Variants in USP53 observed in about 807,000 individuals in gnomAD.
The protein encoded by USP53 is ubiquitin specific peptidase 53, also known as ubiquitin carboxyl-terminal hydrolase 53.
A neutral mutation model predicts 94.9 loss-of-function variants in USP53; 71 were observed. The ratio of observed to expected loss-of-function variants is 0.75; its 90% CI spans 0.62 to 0.91. The LOEUF (loss-of-function observed/expected upper bound fraction) is 0.91, where lower values mean the gene tolerates loss of function less well. Ranked by LOEUF, USP53 falls within the 40% of genes least tolerant of loss-of-function variation. USP53 has a pLI of 0.00. For synonymous variants in USP53, 375 were observed against 422.7 expected, an observed-to-expected ratio of 0.89 and a Z score of 1.39; for missense variants, 1,173 against 1,281.0, an observed-to-expected ratio of 0.92 and a Z score of 1.29.
At chr4:119,282,991 A>AG (rs1264428927) in intron 17 of USP53, among the ~76,000 whole-genome samples, 3 of 152,008 alleles carry the variant, frequency 2.0e-5, no homozygotes, top group African/African-American at 7.2e-5. Context: ...ATTTAATGGT[A>AG]GAGGACCAAA....
rs982803428 is a variant in USP53, at chr4:119,255,383, C to CCCACCA, written c.373-860_373-859insCCACCA. Among the ~76,000 whole-genome samples, 119 of 152,300 alleles carry CCCACCA rather than the reference C, an allele frequency of 7.8e-4. 1 individual carries two copies. The highest frequency in any genetic ancestry group is 2.8e-3 in the African/African-American group (116 of 41,566). On this transcript the variant is annotated intron_variant, in intron 7 of 18. Transcript: ENST00000692078. ...CCTTGCTGAGCTGTGGTGGGCTCTG[C>CCCACCA]CCAGTTCAAGCTTCCCTGCTGCTTT...
intron 7 of USP53, among the ~76,000 whole-genome samples, chr4:119,254,208 T>C (rs1167754781): frequency 6.6e-6 from 1 of 152,216 alleles, no homozygotes; most frequent in Non-Finnish European, 1.5e-5. Context: ...TTGGTTGCTC[T>C]TCTCAAGGAG....
At chr4:119,285,257 A>G (rs1469410817) in intron 17 of USP53, among the ~76,000 whole-genome samples, 1 of 151,918 alleles carries the variant, frequency 6.6e-6, no homozygotes, top group Non-Finnish European at 1.5e-5. Flanking sequence ...TGTGTTAGGT[A>G]GAACAGCTGA....
chr4:119,238,858 CT>C (rs895499620), intron 4 of USP53, among the ~76,000 whole-genome samples: 3 of 151,972 alleles, frequency 2.0e-5, no homozygotes, highest in Non-Finnish European at 4.4e-5. Flanking sequence ...TAAAATCTGT[CT>C]TTTTTTGGAA....
rs1578387520 is a variant in USP53 at position 119,212,841 on chromosome 4, C to T, written c.-974C>T. 4.4e-6 allele frequency: 1 copy of T among 228,648 alleles called. No individual in the cohort carries two copies. Among genetic ancestry groups the T allele is most frequent in the African/African-American group, 2.2e-5 (1 of 44,740 alleles). 14.2% of individuals were successfully genotyped at this position (228,648 alleles called of 1,614,324 possible). ...GGCCTGTATTTCTCTACCTGGACCG[C>T]ACGCTCCTCGCGCAAGGAGGGTAGA... is the stretch of plus-strand genomic sequence containing the variant. On this transcript the variant is annotated 5_prime_UTR_variant, in exon 1 of 19. Coordinates refer to ENST00000692078, the MANE Select transcript of USP53 (RefSeq NM_001371395.1).
At chr4:119,232,316 A>G (rs1367574525) in intron 3 of USP53, among the ~76,000 whole-genome samples, 1 of 152,126 alleles carries the variant, frequency 6.6e-6, no homozygotes, top group Admixed American at 6.6e-5. Flanking sequence ...CCAGTCCTAA[A>G]CAAACATTAA....
chr4:119,239,837 A>G lies in USP53; in HGVS notation c.78A>G (p.Leu26=). ...KVYQPGSMLS[L]APTKGLLNEP... is the part of the protein sequence containing the mutation. ...ATCAGCCTGGAAGTATGCTATCACTAGCCCCTACCAAAGGCTTGTTAAATG... is the reference window on the plus strand; with the variant it reads ...ATCAGCCTGGAAGTATGCTATCACTGGCCCCTACCAAAGGCTTGTTAAATG... Residue 26 remains leucine (L), a synonymous_variant, in exon 5 of 19, where the codon CTA becomes CTG. Coordinates refer to ENST00000692078, the MANE Select transcript of USP53 (RefSeq NM_001371395.1). The G allele has an allele frequency of 6.2e-7, 1 of 1,613,062 alleles. No homozygotes were observed. The highest frequency in any genetic ancestry group is 8.5e-7 in the Non-Finnish European group (1 of 1,179,480).
chr4:119,273,904 C>T (rs1269701697), intron 17 of USP53, among the ~76,000 whole-genome samples, 196 bp downstream of exon 17: 1 of 151,784 alleles, frequency 6.6e-6, no homozygotes, highest in Non-Finnish European at 1.5e-5. Flanking sequence ...AGGAAATCAG[C>T]ATTCTTTTTT....
Position 119,269,793 on chromosome 4 carries a change from A to G in USP53, c.1391A>G (p.Lys464Arg), listed in dbSNP as rs865901254. 6 of 1,532,702 alleles carry G rather than the reference A, an allele frequency of 3.9e-6. No individual in the cohort carries two copies. The African/African-American group carries it at 8.4e-5, about 21-fold the overall frequency. 94.9% of individuals were successfully genotyped at this position (1,532,702 alleles called of 1,614,324 possible). A position where few individuals can be genotyped will look rare whatever the true frequency, so the allele number is the denominator to read the frequency against. Residue 464 changes from lysine to arginine, a missense_variant, in exon 15 of 19, where the codon AAA becomes AGA. Coordinates refer to ENST00000692078, the MANE Select transcript of USP53 (RefSeq NM_001371395.1). ...EQKNLLSSQR[K>R]DLEKGQRKDL... ...AAAAACTTACTTTCTTCACAAAGGA[A>G]AGATTTAGAGAAGGGACAAAGAAAA...
chr4:119,289,284 A>G (rs1476499776), intron 17 of USP53, among the ~76,000 whole-genome samples: 2 of 152,236 alleles, frequency 1.3e-5, no homozygotes, highest in African/African-American at 2.4e-5. Context: ...AAACACAAGT[A>G]TATGGCAATG....
At chr4:119,235,066 C>T (rs1455935812) in intron 3 of USP53, among the ~76,000 whole-genome samples, 1 of 152,192 alleles carries the variant, frequency 6.6e-6, no homozygotes. Flanking sequence ...TCAGAGATGA[C>T]AAGAATGTAT....
At chr4:119,291,479 T>C (rs1174243713) in intron 18 of USP53, among the ~76,000 whole-genome samples, 3 of 152,132 alleles carry the variant, frequency 2.0e-5, no homozygotes, top group Non-Finnish European at 4.4e-5. Flanking sequence ...AGCATTCTTA[T>C]GAGGTAGGTG....
intron 3 of USP53, among the ~76,000 whole-genome samples, chr4:119,228,965 TA>T (rs1439290614): frequency 6.6e-6 from 1 of 152,196 alleles, no homozygotes. Flanking sequence ...TTTAGATGAA[TA>T]AAAGGGAGGA....
chr4:119,288,802 G>A (rs2149479220), intron 17 of USP53, among the ~76,000 whole-genome samples: 1 of 152,184 alleles, frequency 6.6e-6, no homozygotes, highest in Non-Finnish European at 1.5e-5. Flanking sequence ...GCCAGGCGTG[G>A]TGGCGCATGC....
chr4:119,212,677 G>C (rs915105511), upstream of USP53: 6 of 346,330 alleles, frequency 1.7e-5, no homozygotes, highest in Non-Finnish European at 2.9e-5. Flanking sequence ...TCACAGGGTC[G>C]GGCTCTGGGC....
At chr4:119,216,160 A>G (rs1462334678) in intron 2 of USP53, among the ~76,000 whole-genome samples, 1 of 152,110 alleles carries the variant, frequency 6.6e-6, no homozygotes, top group Non-Finnish European at 1.5e-5. Context: ...CAGGCGGATC[A>G]CTTGAGGCCA....
intron 5 of USP53, among the ~76,000 whole-genome samples, chr4:119,244,082 G>GT (rs1273261068): frequency 6.6e-6 from 1 of 152,158 alleles, no homozygotes; most frequent in Non-Finnish European, 1.5e-5. Flanking sequence ...GCCTTCAGAT[G>GT]TTTTTTATTA....
intron 2 of USP53, among the ~76,000 whole-genome samples, chr4:119,216,812 T>C (rs1743831264): frequency 6.6e-6 from 1 of 152,224 alleles, no homozygotes; most frequent in African/African-American, 2.4e-5. Context: ...GTTTAATATA[T>C]CAGTTTAAGG....
chr4:119,219,930 C>G (rs1028215281), intron 3 of USP53: 2 of 152,142 alleles, frequency 1.3e-5, no homozygotes, highest in Non-Finnish European at 2.9e-5. Flanking sequence ...CTGTCTCTCT[C>G]TCTTTCTCAA....
Sources: allele counts gnomAD v4.1 joint callset (sites outside exome capture counted in the v4.1 genomes callset), GRCh38; gene constraint gnomAD v4.1.1; transcripts MANE v1.5; gene names NCBI Gene and HGNC (gene_info 2026-07-23, HGNC 2026-07-21).